Variants in CPQ observed in about 807,000 individuals in gnomAD.
CPQ encodes carboxypeptidase Q.
Under a neutral mutation model 45.7 loss-of-function variants are expected in CPQ, and 37 were observed. The ratio of observed to expected loss-of-function variants is 0.81; its 90% CI spans 0.62 to 1.07. The LOEUF is 1.07. CPQ is among the 50% of genes least tolerant of loss of function. The pLI is 0.00. For synonymous variants in CPQ, 186 were observed against 205.8 expected (o/e 0.90, Z 0.82); for missense variants, 537 against 572.9 (o/e 0.94, Z 0.64).
chr8:96,731,371 G>A (rs1029968408), intron 1 of CPQ, among the ~76,000 whole-genome samples: 13 of 152,210 alleles, frequency 8.5e-5, no homozygotes, highest in Admixed American at 8.5e-4. Context: ...GCTACTGCAA[G>A]CTTTCAGGTC....
At chr8:96,908,134 GTGTGTGTGTC>G (rs974659657) in intron 4 of CPQ, among the ~76,000 whole-genome samples, 1 of 151,032 alleles carries the variant, frequency 6.6e-6, no homozygotes, top group African/African-American at 2.4e-5. Flanking sequence ...GTGTGTGTGT[GTGTGTGTGTC>G]TGTGTGTGTG....
chr8:96,724,777 C>T (rs1340000723), intron 1 of CPQ, among the ~76,000 whole-genome samples: 1 of 152,076 alleles, frequency 6.6e-6, no homozygotes, highest in African/African-American at 2.4e-5. Flanking sequence ...CATATGGAAC[C>T]AGAAAGGAGC....
intron 1 of CPQ, among the ~76,000 whole-genome samples, chr8:96,685,984 A>G (rs552434682): frequency 1.5e-4 from 23 of 152,152 alleles, no homozygotes; most frequent in African/African-American, 5.3e-4. Flanking sequence ...TTTTAATGCA[A>G]TCTATTCTTA....
At chr8:96,894,106 ACTT>A (rs1483772986) in intron 4 of CPQ, among the ~76,000 whole-genome samples, 5 of 152,158 alleles carry the variant, frequency 3.3e-5, no homozygotes, top group Non-Finnish European at 5.9e-5. Flanking sequence ...TAAGACACTG[ACTT>A]CTTCTGCTAT....
At chr8:97,101,311 T>A (rs2130579817) in intron 7 of CPQ, among the ~76,000 whole-genome samples, 1 of 152,172 alleles carries the variant, frequency 6.6e-6, no homozygotes, top group East Asian at 1.9e-4. Context: ...AATGATAGTT[T>A]GGGAGATGAT....
At chr8:96,809,883 G>C (rs919671813) in intron 2 of CPQ, among the ~76,000 whole-genome samples, 8 of 152,136 alleles carry the variant, frequency 5.3e-5, no homozygotes, top group African/African-American at 1.9e-4. Context: ...TTCAGTTTCA[G>C]CTTCGAGTAA....
chr8:96,882,384 A>G (rs537915386), intron 4 of CPQ, among the ~76,000 whole-genome samples: 2 of 152,396 alleles, frequency 1.3e-5, no homozygotes, highest in African/African-American at 4.8e-5. Flanking sequence ...CTAAATAGTC[A>G]GATGCCTTAA....
chr8:97,101,912 G>A (rs1811312592), intron 7 of CPQ, among the ~76,000 whole-genome samples: 1 of 113,902 alleles, frequency 8.8e-6, no homozygotes, highest in Non-Finnish European at 1.8e-5. Flanking sequence ...TTAGATTGGT[G>A]GCTCTCTCTC....
At chr8:96,736,995 T>C (rs181215647) in intron 1 of CPQ, among the ~76,000 whole-genome samples, 2 of 152,096 alleles carry the variant, frequency 1.3e-5, no homozygotes, top group African/African-American at 4.8e-5. Flanking sequence ...GCCCTCTTTC[T>C]GTATTTCTCA....
At chr8:97,136,520 A>G (rs1280467660) in intron 7 of CPQ, among the ~76,000 whole-genome samples, 1 of 152,210 alleles carries the variant, frequency 6.6e-6, no homozygotes, top group African/African-American at 2.4e-5. Context: ...ATGGCTTTAC[A>G]TCATTCTTTC....
chr8:96,982,064 G>T (rs1335659020), intron 5 of CPQ, among the ~76,000 whole-genome samples: 2 of 152,194 alleles, frequency 1.3e-5, no homozygotes, highest in Admixed American at 1.3e-4. Flanking sequence ...GAAAACTGTA[G>T]TGGCAGTGCT....
At chr8:96,769,701 G>C (rs1015964690) in intron 1 of CPQ, among the ~76,000 whole-genome samples, 2 of 135,948 alleles carry the variant, frequency 1.5e-5, no homozygotes, top group African/African-American at 2.8e-5. Flanking sequence ...GTGCAATATT[G>C]ACTCTGTGCA....
At chr8:96,885,803 A>G (rs978544250) in intron 4 of CPQ, among the ~76,000 whole-genome samples, 17 of 152,072 alleles carry the variant, frequency 1.1e-4, no homozygotes, top group African/African-American at 4.1e-4. Flanking sequence ...CCTGGCTAAC[A>G]CAGTGAAACC....
At chr8:96,697,241 C>T (rs1026617751) in intron 1 of CPQ, among the ~76,000 whole-genome samples, 12 of 152,146 alleles carry the variant, frequency 7.9e-5, no homozygotes, top group African/African-American at 1.9e-4. Context: ...TCATGTGATA[C>T]ATCATATAAA....
At position 96,765,519 on chromosome 8, in the gene CPQ, T is replaced by C. The variant is rs550516363; in HGVS notation, c.-34-19345T>C. Among the ~76,000 whole-genome samples the C allele has an allele frequency of 1.1e-4, 17 of 152,140 alleles. No individual in the cohort carries two copies. The East Asian group carries it at 3.1e-3, about 28-fold the overall frequency. On this transcript the variant is annotated intron_variant, in intron 1 of 7. Transcript: ENST00000220763. ...AAGAGCCTGGAAAAAAAAAAACCTA[T>C]AGTCAGACATAAACATTTCAGCCTT...
intron 1 of CPQ, among the ~76,000 whole-genome samples, chr8:96,700,510 C>T (rs1282252340): frequency 2.0e-5 from 3 of 152,142 alleles, no homozygotes; most frequent in African/African-American, 7.2e-5. Context: ...AGGGCATTCT[C>T]AGTCATGTAT....
intron 5 of CPQ, among the ~76,000 whole-genome samples, chr8:96,999,356 C>A (rs1809230064): frequency 6.6e-6 from 1 of 151,608 alleles, no homozygotes; most frequent in Non-Finnish European, 1.5e-5. Flanking sequence ...GCCTAGAACC[C>A]ATTAGTTATT....
At chr8:96,805,288 A>G (rs2130825132) in intron 2 of CPQ, among the ~76,000 whole-genome samples, 1 of 152,280 alleles carries the variant, frequency 6.6e-6, no homozygotes, top group East Asian at 1.9e-4. Context: ...TTTTTTCCCT[A>G]TGCATTTAAA....
chr8:96,734,765 A>T (rs946180718), intron 1 of CPQ, among the ~76,000 whole-genome samples: 55 of 151,994 alleles, frequency 3.6e-4, no homozygotes, highest in African/African-American at 1.2e-3. Flanking sequence ...TAAAATAAAA[A>T]AATAAAATAT....
Sources: gnomAD v4.1 joint callset for allele counts (sites outside exome capture counted in the v4.1 genomes callset) on GRCh38, gnomAD v4.1.1 for gene constraint, MANE v1.5 for transcripts, NCBI Gene and HGNC (gene_info 2026-07-23, HGNC 2026-07-21) for gene names.